CYP4V2: variants seen among roughly 807,000 people sequenced by gnomAD.
CYP4V2 encodes the protein cytochrome P450 family 4 subfamily V member 2.
Under a neutral mutation model 60.8 loss-of-function variants are expected in CYP4V2, and 55 were observed. That is an observed-to-expected ratio of 0.90 (90% confidence interval 0.73 to 1.13). The LOEUF is 1.13. CYP4V2 is among the 50% of genes most tolerant of loss of function. The pLI, the probability that CYP4V2 is intolerant of heterozygous loss-of-function variation, is 0.00. For synonymous variants in CYP4V2, 239 were observed against 236.8 expected (o/e 1.01, Z -0.08); for missense variants, 675 against 662.9 (o/e 1.02, Z -0.20).
intron 6 of CYP4V2, among the ~76,000 whole-genome samples, chr4:186,199,604 T>C (rs114513706): frequency 5.4e-4 from 83 of 152,294 alleles, no homozygotes; most frequent in Non-Finnish European, 1.0e-3. Context: ...GATCTATGTA[T>C]AGGAGTTTTC....
intron 5 of CYP4V2, among the ~76,000 whole-genome samples, chr4:186,197,900 C>T (rs1054458570): frequency 5.9e-5 from 9 of 152,080 alleles, no homozygotes; most frequent in Admixed American, 2.0e-4. Flanking sequence ...TTTTCTGTAC[C>T]ATGATAATTG....
At chr4:186,197,948 ATAT>A (rs1281013791) in intron 5 of CYP4V2, among the ~76,000 whole-genome samples, 3 of 152,252 alleles carry the variant, frequency 2.0e-5, no homozygotes, top group Non-Finnish European at 4.4e-5. Context: ...AAACTAGCAG[ATAT>A]TATAACAGAA....
intron 6 of CYP4V2, 74 bp downstream of exon 6, chr4:186,199,157 T>C: frequency 1.4e-6 from 2 of 1,481,216 alleles, no homozygotes; most frequent in Non-Finnish European, 1.9e-6. Flanking sequence ...ATTTTAACTG[T>C]ACAGTTTGGT....
intron 7 of CYP4V2, chr4:186,202,843 CACAT>C (rs1395113298): frequency 2.0e-5 from 3 of 152,090 alleles, no homozygotes; most frequent in Admixed American, 6.5e-5. Flanking sequence ...GATACTCATG[CACAT>C]ACACACACAT....
chr4:186,195,947 A>G lies in CYP4V2; in HGVS notation c.328-56A>G. ...TATTCTAGCCAGTATTCCTATAATT[A>G]CAGGAAGGTTGTTTGATGTCTGTAT... On this transcript the variant is annotated intron_variant, in intron 2 of 10. Coordinates refer to ENST00000378802, the MANE Select transcript of CYP4V2 (RefSeq NM_207352.4). This position sits in a 1 kb window ranked among gnomAD's most constrained non-coding sequence, Gnocchi z 4.1. The G allele has an allele frequency of 8.0e-7, 1 of 1,250,858 alleles. No homozygotes were observed. Among genetic ancestry groups the G allele is most frequent in the African/African-American group, 1.5e-5 (1 of 68,130 alleles). 77.5% of individuals were successfully genotyped at this position (1,250,858 alleles called of 1,614,324 possible). A position where few individuals can be genotyped will look rare whatever the true frequency, so the allele number is the denominator to read the frequency against.
At chr4:186,197,389 G>A (rs1265986784) in intron 4 of CYP4V2, 144 bp from the exon 5 acceptor site, 2 of 942,754 alleles carry the variant, frequency 2.1e-6, no homozygotes, top group Non-Finnish European at 3.4e-6. Flanking sequence ...CCGTACAAGA[G>A]AAGAGGGTAA....
At chr4:186,207,427 A>G (rs1313333347) in intron 8 of CYP4V2, among the ~76,000 whole-genome samples, 1 of 143,330 alleles carries the variant, frequency 7.0e-6, no homozygotes, top group African/African-American at 2.5e-5. Context: ...AAAAAAAAAG[A>G]AAGAAAGAAA....
intron 8 of CYP4V2, 142 bp downstream of exon 8, chr4:186,205,444 C>G (rs1736470040): frequency 1.2e-6 from 1 of 846,568 alleles, no homozygotes; most frequent in South Asian, 1.4e-5. Flanking sequence ...AGGCCTCGTC[C>G]ATTCACTCAC....
rs1561433959 is a variant in CYP4V2, at chr4:186,201,314, G to A, written c.959G>A (p.Arg320Gln). 4 of 1,614,130 alleles carry A rather than the reference G, an allele frequency of 2.5e-6. No homozygotes were observed. The highest frequency in any genetic ancestry group is 2.5e-6 in the Non-Finnish European group (3 of 1,180,040). The change falls in exon 7 of 11, where the codon CGA (arginine) becomes CAA (glutamine). Residue 320 changes from arginine to glutamine, a missense_variant. Coordinates refer to ENST00000378802, the MANE Select transcript of CYP4V2 (RefSeq NM_207352.4). ...AACAGGCTAAGTCATGAAGATATTC[G>A]AGAAGAAGTTGACACCTTCATGTTT... ...EGNRLSHEDI[R>Q]EEVDTFMFEG... is the part of the protein sequence containing the mutation.
chr4:186,194,745 T>C (rs1736098677), intron 2 of CYP4V2, 133 bp downstream of exon 2: 1 of 798,918 alleles, frequency 1.3e-6, no homozygotes, highest in African/African-American at 1.7e-5. Context: ...TATTTTAGAC[T>C]ATATAGGTGC....
At chr4:186,209,444 C>T (rs1344519342) in intron 10 of CYP4V2, among the ~76,000 whole-genome samples, 172 bp downstream of exon 10, 2 of 152,068 alleles carry the variant, frequency 1.3e-5, no homozygotes, top group Non-Finnish European at 2.9e-5. Context: ...ATATTACGGT[C>T]AAAAGGTATA....
At chr4:186,198,251 C>T (rs1430388898) in intron 5 of CYP4V2, among the ~76,000 whole-genome samples, 3 of 152,168 alleles carry the variant, frequency 2.0e-5, no homozygotes, top group Non-Finnish European at 4.4e-5. Context: ...AATCACTGCA[C>T]AGGGTACTGA....
At chr4:186,206,153 C>T (rs1343109888) in intron 8 of CYP4V2, among the ~76,000 whole-genome samples, 1 of 152,226 alleles carries the variant, frequency 6.6e-6, no homozygotes, top group Non-Finnish European at 1.5e-5. Flanking sequence ...CTGCCAGTCT[C>T]TGCATCGCCT....
At position 186,194,564 on chromosome 4, in the gene CYP4V2, G is replaced by A. The variant is rs772955821; in HGVS notation, c.279G>A (p.Trp93Ter). The A allele has an allele frequency of 1.2e-6, 2 of 1,614,186 alleles. No homozygotes were observed. Among genetic ancestry groups the A allele is most frequent in the South Asian group, 2.2e-5 (2 of 91,084 alleles). ...EYRHMPLLKL[W>*]VGPVPMVALY... The stretch of plus-strand genomic sequence containing the variant: ...GCCACATGCCGCTGCTGAAGCTCTG[G>A]GTCGGGCCAGTGCCCATGGTGGCCC... Residue 93 changes from tryptophan to a stop codon, truncating the protein, a stop_gained, in exon 2 of 11, where the codon TGG (tryptophan) becomes TGA (stop). Transcript: ENST00000378802. LOFTEE classifies it high-confidence loss of function.
In CYP4V2 at chr4:186,195,106, T is replaced by A. The variant is rs1374597725; in HGVS notation, c.327+494T>A. On this transcript the variant is annotated intron_variant, in intron 2 of 10. Transcript: ENST00000378802. This position sits in a 1 kb window ranked among gnomAD's most constrained non-coding sequence, Gnocchi z 4.1. ...TAGTCCTCCAAAAAGCTGTAGTCTT[T>A]TTACTTGTTGAAAGGTCTGGGGAAA... is the stretch of plus-strand genomic sequence containing the variant. Among the ~76,000 whole-genome samples, 1 of 152,192 alleles carries A rather than the reference T, an allele frequency of 6.6e-6. No homozygotes were observed. The highest frequency in any genetic ancestry group is 2.4e-5 in the African/African-American group (1 of 41,444).
chr4:186,201,431 T>G, intron 7 of CYP4V2, 89 bp downstream of exon 7: 2 of 1,414,412 alleles, frequency 1.4e-6, no homozygotes, highest in Non-Finnish European at 1.9e-6. Context: ...CAATCAAATT[T>G]TAAAGTAGTT....
At position 186,205,316 on chromosome 4, in the gene CYP4V2, C is replaced by T; in HGVS notation, c.1090+14C>T. ...ATGACGTGTTTGGTATGTTTGGCCC[C>T]TTCACTGGTTATATTGTGGTACTAA... is the stretch of plus-strand genomic sequence containing the variant. On this transcript the variant is annotated intron_variant, in intron 8 of 10. Coordinates refer to ENST00000378802, the MANE Select transcript of CYP4V2 (RefSeq NM_207352.4). 1 of 1,608,864 alleles carries T rather than the reference C, an allele frequency of 6.2e-7. No homozygotes were observed. The highest frequency in any genetic ancestry group is 1.1e-5 in the South Asian group (1 of 90,974).
Position 186,198,777 on chromosome 4 carries a change from C to T in CYP4V2, c.675-180C>T, listed in dbSNP as rs1736225732. 2.0e-5 allele frequency among the ~76,000 whole-genome samples: 3 copies of T among 152,264 alleles called. No individual in the cohort carries two copies. The South Asian group carries it at 6.2e-4, about 32-fold the overall frequency. ...AAGAGCCCATTATTTTCTGAGGCTT[C>T]ATGGGATGCGTAATAGCCCATGCCT... On this transcript the variant is annotated intron_variant, in intron 5 of 10. Transcript: ENST00000378802.
At chr4:186,202,938 A>G (rs1736364564) in intron 7 of CYP4V2, 1 of 152,108 alleles carries the variant, frequency 6.6e-6, no homozygotes, top group South Asian at 2.1e-4. Flanking sequence ...GCATGCATAC[A>G]CATACATGCA....
Sources: gnomAD v4.1 joint callset for allele counts (sites outside exome capture counted in the v4.1 genomes callset) on GRCh38, gnomAD v4.1.1 for gene constraint, Gnocchi (gnomAD v3.1) non-coding constraint, MANE v1.5 for transcripts, NCBI Gene and HGNC (gene_info 2026-07-23, HGNC 2026-07-21) for gene names.